The following DLC1 variants were observed in gnomAD, a reference collection of about 807,000 sequenced individuals.
DLC1 encodes rho GTPase-activating protein 7.
In DLC1, 54 loss-of-function variants were observed where a neutral mutation model predicts 140.3. The observed-to-expected ratio is 0.38, with a 90% CI of 0.31 to 0.48. The LOEUF (loss-of-function observed/expected upper bound fraction) is 0.48, where lower values mean the gene tolerates loss of function less well. DLC1 is among the 20% of genes least tolerant of loss of function. The pLI is 0.96. For synonymous variants in DLC1, 986 were observed against 728.1 expected, an observed-to-expected ratio of 1.35 and a Z score of -5.70; for missense variants, 2,536 against 1,907.0, an observed-to-expected ratio of 1.33 and a Z score of -6.14.
intron 4 of DLC1, among the ~76,000 whole-genome samples, chr8:13,392,171 T>C (rs949651347): frequency 1.5e-4 from 23 of 152,202 alleles, no homozygotes; most frequent in Non-Finnish European, 2.9e-5. Context: ...TAGTTCCTCC[T>C]ATTCCCAATA....
intron 5 of DLC1, among the ~76,000 whole-genome samples, chr8:13,199,177 C>CTTTTT (rs71207132): frequency 1.0e-3 from 95 of 93,256 alleles, no homozygotes; most frequent in African/African-American, 1.7e-3. Context: ...TTCTCTTTTT[C>CTTTTT]TTTTTTTTTT....
rs570976846 is a variant in DLC1 at position 13,453,985 on chromosome 8, A to G, written c.1023+45064T>C. On this transcript the variant is annotated intron_variant, in intron 2 of 17. Coordinates refer to ENST00000276297, the MANE Select transcript of DLC1 (RefSeq NM_182643.3). ...CCTCAGAGTGTTAACTTATCTTACTATATGTGCCAAGGCTGTAAATCCTTC... is the reference window on the plus strand; with the variant it reads ...CCTCAGAGTGTTAACTTATCTTACTGTATGTGCCAAGGCTGTAAATCCTTC... Among the ~76,000 whole-genome samples the G allele has an allele frequency of 7.2e-5, 11 of 152,274 alleles. No homozygotes were observed. In the South Asian group the frequency reaches 1.5e-3, roughly 20 times the overall value.
rs1829879629 is a variant in DLC1, at chr8:13,248,906, A to G, written c.1348+56363T>C. On this transcript the variant is annotated intron_variant, in intron 5 of 17. Coordinates refer to ENST00000276297, the MANE Select transcript of DLC1 (RefSeq NM_182643.3). ...ACTAATTACCACTGTAGAAACTTCC[A>G]CAGCTTTGCAGATAGAAATCATTAC... 2.0e-5 allele frequency among the ~76,000 whole-genome samples: 3 copies of G among 152,038 alleles called. No individual in the cohort carries two copies. The South Asian group carries it at 6.2e-4, about 32-fold the overall frequency.
At chr8:13,114,728 C>G (rs1820402064) in intron 6 of DLC1, among the ~76,000 whole-genome samples, 1 of 152,076 alleles carries the variant, frequency 6.6e-6, no homozygotes, top group Non-Finnish European at 1.5e-5. Context: ...TGTGAGCAAA[C>G]AAATGTGGCC....
intron 5 of DLC1, among the ~76,000 whole-genome samples, chr8:13,280,953 C>T (rs1038139824): frequency 5.9e-5 from 9 of 152,174 alleles, no homozygotes; most frequent in Non-Finnish European, 5.9e-5. Flanking sequence ...CATGGCAGTG[C>T]CTATCCCAGC....
At chr8:13,403,439 C>G (rs1585047981) in intron 2 of DLC1, among the ~76,000 whole-genome samples, 1 of 152,278 alleles carries the variant, frequency 6.6e-6, no homozygotes, top group Middle Eastern at 3.4e-3. Flanking sequence ...GTAATTAAAT[C>G]CCAGTAATCA....
At chr8:13,484,228 A>G (rs1800866968) in intron 2 of DLC1, among the ~76,000 whole-genome samples, 1 of 152,186 alleles carries the variant, frequency 6.6e-6, no homozygotes, top group African/African-American at 2.4e-5. Flanking sequence ...AATAAAGGAA[A>G]TGGATATGAG....
chr8:13,578,524 C>T (rs758013470), intron 1 of DLC1, among the ~76,000 whole-genome samples: 1 of 152,080 alleles, frequency 6.6e-6, no homozygotes, highest in Non-Finnish European at 1.5e-5. Context: ...TACAAGGCTG[C>T]CCCCACTGCA....
chr8:13,237,991 G>C (rs1829369311), intron 5 of DLC1, among the ~76,000 whole-genome samples: 1 of 151,986 alleles, frequency 6.6e-6, no homozygotes, highest in South Asian at 2.1e-4. Flanking sequence ...GAAACGAACA[G>C]GTGAAAATGC....
At chr8:13,600,634 A>G (rs1320024673) in intron 1 of DLC1, among the ~76,000 whole-genome samples, 2 of 151,798 alleles carry the variant, frequency 1.3e-5, no homozygotes, top group African/African-American at 4.8e-5. Flanking sequence ...GTACATGACT[A>G]TTTTCTCTCT....
At chr8:13,586,984 A>C (rs1300352058) in intron 1 of DLC1, among the ~76,000 whole-genome samples, 2 of 152,000 alleles carry the variant, frequency 1.3e-5, no homozygotes, top group Non-Finnish European at 2.9e-5. Flanking sequence ...TTTTAAACTT[A>C]GGGTTTTATG....
At position 13,099,363 on chromosome 8, in the gene DLC1, G is replaced by C; in HGVS notation, c.2974C>G (p.Leu992Val). The C allele has an allele frequency of 6.2e-7, 1 of 1,613,754 alleles. No individual in the cohort carries two copies. Among genetic ancestry groups the C allele is most frequent in the Non-Finnish European group, 8.5e-7 (1 of 1,179,898 alleles). ...AGTTCTTACCTGTTGGACCTGGTTA[G>C]GGAAGCCCCAACCCCAGAATCCCTT... The part of the protein sequence containing the change: ...ERRDSGVGAS[L>V]TRSNRHRLRW... The change falls in exon 9 of 18, where the codon CTA becomes GTA. Residue 992 changes from leucine to valine, a missense_variant. Leu to Val is a conservative substitution (Grantham distance 32, BLOSUM62 1). Transcript: ENST00000276297.
chr8:13,419,752 C>T (rs2117338894), intron 2 of DLC1, among the ~76,000 whole-genome samples: 1 of 152,218 alleles, frequency 6.6e-6, no homozygotes, highest in South Asian at 2.1e-4. Context: ...AGGATTCTCT[C>T]TTTTTCTATT....
intron 4 of DLC1, among the ~76,000 whole-genome samples, chr8:13,384,011 C>T (rs943111257): frequency 4.6e-5 from 7 of 152,182 alleles, no homozygotes; most frequent in African/African-American, 1.7e-4. Flanking sequence ...CAGTACTAAT[C>T]ATCAATTATG....
chr8:13,320,508 G>A (rs1833055317), intron 4 of DLC1, among the ~76,000 whole-genome samples: 1 of 152,068 alleles, frequency 6.6e-6, no homozygotes, highest in Non-Finnish European at 1.5e-5. Context: ...AATAGAGCAG[G>A]GTCTCAAAGC....
chr8:13,167,882 T>C lies in DLC1; in HGVS notation c.1349-52225A>G, dbSNP rs576765925. 1.9e-4 allele frequency among the ~76,000 whole-genome samples: 29 copies of C among 152,354 alleles called. No homozygotes were observed. In the South Asian group the frequency reaches 6.0e-3, roughly 32 times the overall value. On this transcript the variant is annotated intron_variant, in intron 5 of 17. Coordinates refer to ENST00000276297, the MANE Select transcript of DLC1 (RefSeq NM_182643.3). ...TTTAAAACAAAAACAAAAACTAAACTTATTTTTAGACCACCCAATCATACA... is the reference window on the plus strand; with the variant it reads ...TTTAAAACAAAAACAAAAACTAAACCTATTTTTAGACCACCCAATCATACA...
intron 16 of DLC1, among the ~76,000 whole-genome samples, chr8:13,086,889 G>T (rs1817609902): frequency 6.6e-6 from 1 of 151,984 alleles, no homozygotes; most frequent in South Asian, 2.1e-4. Flanking sequence ...GCCGGGCATG[G>T]TGGTGTGCTC....
At chr8:13,143,511 A>G (rs1261591782) in intron 5 of DLC1, among the ~76,000 whole-genome samples, 4 of 152,146 alleles carry the variant, frequency 2.6e-5, no homozygotes, top group Non-Finnish European at 5.9e-5. Flanking sequence ...GCTGAAGTGC[A>G]AAGGTGTGAT....
intron 4 of DLC1, among the ~76,000 whole-genome samples, chr8:13,317,759 C>G (rs1586126696): frequency 6.6e-6 from 1 of 152,024 alleles, no homozygotes; most frequent in Non-Finnish European, 1.5e-5. Flanking sequence ...ATTGCATTTT[C>G]AAGGGCAGGC....
Sources: allele counts gnomAD v4.1 joint callset (sites outside exome capture counted in the v4.1 genomes callset), GRCh38; gene constraint gnomAD v4.1.1; transcripts MANE v1.5; gene names NCBI Gene and HGNC (gene_info 2026-07-23, HGNC 2026-07-21).